Variants in HIBCH observed in about 807,000 individuals in gnomAD.
The protein encoded by HIBCH is 3-hydroxyisobutyryl-CoA hydrolase, mitochondrial.
A neutral mutation model predicts 58.2 loss-of-function variants in HIBCH; 50 were observed. The observed-to-expected ratio is 0.86, with a 90% confidence interval of 0.68 to 1.09. HIBCH has a LOEUF of 1.09. Among genes scored for constraint, HIBCH ranks in the 50% least tolerant of loss-of-function variants. The probability of loss-of-function intolerance (pLI) is 0.00; values close to 1 mark genes in which losing one functional copy is unlikely to be tolerated. For synonymous variants in HIBCH, 151 were observed against 146.9 expected (o/e 1.03, Z -0.20); for missense variants, 450 against 449.7 (o/e 1.00, Z -0.01).
chr2:190,247,540 T>C (rs554850281), intron 9 of HIBCH, among the ~76,000 whole-genome samples: 1 of 152,316 alleles, frequency 6.6e-6, no homozygotes, highest in Admixed American at 6.5e-5. Context: ...AATATTTCCT[T>C]CCCTCTATCT....
In HIBCH at chr2:190,279,522, G is replaced by A. The variant is rs1449626637; in HGVS notation, c.438+8064C>T. On this transcript the variant is annotated intron_variant, in intron 6 of 13. Coordinates refer to ENST00000359678, the MANE Select transcript of HIBCH (RefSeq NM_014362.4). This position sits in a 1 kb window ranked among gnomAD's most constrained non-coding sequence, Gnocchi z 4.2. ...AGATACAGTGGTAGGACAGGTATAG[G>A]GTATACATTCCTGTAAAAAGTAAAG... Among the ~76,000 whole-genome samples the A allele has an allele frequency of 6.6e-6, 1 of 152,040 alleles. No individual in the cohort carries two copies. Among genetic ancestry groups the A allele is most frequent in the Non-Finnish European group, 1.5e-5 (1 of 68,018 alleles).
In HIBCH at chr2:190,241,228, C is replaced by T. The variant is rs145812832; in HGVS notation, c.891+3659G>A. Among the ~76,000 whole-genome samples the T allele has an allele frequency of 6.7e-3, 1,013 of 151,536 alleles. 11 individuals are homozygous for T. Among genetic ancestry groups the T allele is most frequent in the African/African-American group, 0.022 (919 of 41,450 alleles). The stretch of plus-strand genomic sequence containing the variant: ...TTGATCCCTTTACCATTATGTAATG[C>T]CTTTGTCTTTTTTGATTGCTTTTGG... On this transcript the variant is annotated intron_variant, in intron 11 of 13. Coordinates refer to ENST00000359678, the MANE Select transcript of HIBCH (RefSeq NM_014362.4).
chr2:190,295,639 G>A (rs2105991196), intron 3 of HIBCH, among the ~76,000 whole-genome samples: 1 of 152,288 alleles, frequency 6.6e-6, no homozygotes, highest in South Asian at 2.1e-4. Flanking sequence ...TGTCCAAAAG[G>A]TTCATGCAAT....
downstream of HIBCH, chr2:190,203,838 T>C (rs1690321016): frequency 6.6e-6 from 1 of 152,162 alleles, no homozygotes; most frequent in Non-Finnish European, 1.5e-5. Flanking sequence ...TTAATGTCTT[T>C]TTCAGTTCCG....
rs184232749 is a variant in HIBCH, at chr2:190,261,044, T to C, written c.517+112A>G. On this transcript the variant is annotated intron_variant, in intron 7 of 13. Transcript: ENST00000359678. The stretch of plus-strand genomic sequence containing the variant: ...TAATTTCTTTTTTAAAATCCTTTCA[T>C]TGTTGCATCTCACACAAGAGTCCAT... 115 of 788,906 alleles carry C rather than the reference T, an allele frequency of 1.5e-4. No individual in the cohort carries two copies. In the African/African-American group the frequency reaches 1.8e-3, roughly 12 times the overall value. 48.9% of individuals were successfully genotyped at this position (788,906 alleles called of 1,614,324 possible). A position where few individuals can be genotyped will look rare whatever the true frequency, so the allele number is the denominator to read the frequency against.
intron 2 of HIBCH, among the ~76,000 whole-genome samples, chr2:190,301,491 G>C (rs762639691): frequency 6.6e-6 from 1 of 152,174 alleles, no homozygotes; most frequent in African/African-American, 2.4e-5. Context: ...AGGGAGTTGG[G>C]GGAAGGAGTA....
chr2:190,238,908 C>T (rs375002178), intron 11 of HIBCH, among the ~76,000 whole-genome samples: 3 of 152,158 alleles, frequency 2.0e-5, no homozygotes, highest in East Asian at 3.9e-4. Flanking sequence ...TCTCCCATTC[C>T]GTGAGTTGCC....
intron 1 of HIBCH, among the ~76,000 whole-genome samples, chr2:190,314,359 GTA>G (rs368528695): frequency 0.46 from 61,734 of 133,556 alleles, 14,681 homozygotes; most frequent in South Asian, 0.58. Context: ...GTATATATAC[GTA>G]TATATATACG....
At chr2:190,195,450 A>G (rs945479293) in intron 1 of HIBCH, among the ~76,000 whole-genome samples, 3 of 152,224 alleles carry the variant, frequency 2.0e-5, no homozygotes, top group Admixed American at 1.3e-4. Flanking sequence ...ACAGTGAATG[A>G]GAGTTCTGTT....
At position 190,264,277 on chromosome 2, in the gene HIBCH, C is replaced by T. The variant is rs187192286; in HGVS notation, c.439-3043G>A. The stretch of plus-strand genomic sequence containing the variant: ...GCCACACGGGCTTTCTTTCTTTTTT[C>T]TTTCTTTTTTTTTTTTTAAACTCTC... On this transcript the variant is annotated intron_variant, in intron 6 of 13. Transcript: ENST00000359678. Among the ~76,000 whole-genome samples, 932 of 149,786 alleles carry T rather than the reference C, an allele frequency of 6.2e-3. 9 individuals are homozygous for T. The highest frequency in any genetic ancestry group is 0.022 in the African/African-American group (884 of 40,928).
At chr2:190,195,374 T>C (rs1400529806) in intron 1 of HIBCH, among the ~76,000 whole-genome samples, 2 of 146,790 alleles carry the variant, frequency 1.4e-5, no homozygotes, top group African/African-American at 4.9e-5. Flanking sequence ...AGTAAGAATG[T>C]TTCACTTTCT....
At position 190,278,161 on chromosome 2, in the gene HIBCH, C is replaced by A. The variant is rs192759001; in HGVS notation, c.438+9425G>T. 8.5e-4 allele frequency among the ~76,000 whole-genome samples: 130 copies of A among 152,142 alleles called. 1 individual carries two copies. Among genetic ancestry groups the A allele is most frequent in the African/African-American group, 3.1e-3 (128 of 41,522 alleles). On this transcript the variant is annotated intron_variant, in intron 6 of 13. Transcript: ENST00000359678. ...TGAGAACTTGTTAGAAATGCAAATTCTTGGGCCAAATTCCAGACTAAACTA... is the reference window on the plus strand; with the variant it reads ...TGAGAACTTGTTAGAAATGCAAATTATTGGGCCAAATTCCAGACTAAACTA...
chr2:190,302,756 T>A (rs1303542103), intron 2 of HIBCH, among the ~76,000 whole-genome samples: 1 of 152,106 alleles, frequency 6.6e-6, no homozygotes, highest in Non-Finnish European at 1.5e-5. Flanking sequence ...GGGAGTCTAG[T>A]CATTGGGGGG....
intron 1 of HIBCH, among the ~76,000 whole-genome samples, chr2:190,195,809 T>C (rs1689943130): frequency 6.6e-6 from 1 of 152,214 alleles, no homozygotes; most frequent in Admixed American, 6.5e-5. Flanking sequence ...TGGCACTGAA[T>C]CTAAAAGGTT....
intron 7 of HIBCH, among the ~76,000 whole-genome samples, chr2:190,258,389 C>A (rs1686987813): frequency 6.6e-6 from 1 of 152,094 alleles, no homozygotes. Context: ...CAAACCGGTA[C>A]CAGAGAAGTA....
rs1688442206 is a variant in HIBCH at position 190,307,460 on chromosome 2, C to T, written c.78+3294G>A. 2.0e-5 allele frequency among the ~76,000 whole-genome samples: 3 copies of T among 152,066 alleles called. 1 individual carries two copies. Among genetic ancestry groups the T allele is most frequent in the African/African-American group, 7.2e-5 (3 of 41,424 alleles). The stretch of plus-strand genomic sequence containing the variant: ...GCCAAGGCAGGAAGATCATTTGTGC[C>T]CAGAGGTTCGAGGCCAGTCTGGGCA... On this transcript the variant is annotated intron_variant, in intron 2 of 13. Coordinates refer to ENST00000359678, the MANE Select transcript of HIBCH (RefSeq NM_014362.4).
intron 1 of HIBCH, among the ~76,000 whole-genome samples, chr2:190,195,325 A>G (rs1446745618): frequency 1.3e-5 from 2 of 152,236 alleles, no homozygotes; most frequent in African/African-American, 4.8e-5. Flanking sequence ...CGTTCAACTT[A>G]TTGGGTAAAT....
At chr2:190,201,301 A>T (rs1690234386), downstream of HIBCH, 1 of 166,924 alleles carries the variant, frequency 6.0e-6, no homozygotes, top group Non-Finnish European at 1.5e-5. Context: ...AGGATTAAGT[A>T]CTGTTTGAAG....
chr2:190,263,269 A>T (rs893492632), intron 6 of HIBCH, among the ~76,000 whole-genome samples: 1 of 152,078 alleles, frequency 6.6e-6, no homozygotes, highest in Non-Finnish European at 1.5e-5. Context: ...TCTCCCCCAA[A>T]CCTACCAAAC....
Sources: gnomAD v4.1 joint callset for allele counts (sites outside exome capture counted in the v4.1 genomes callset) on GRCh38, gnomAD v4.1.1 for gene constraint, Gnocchi (gnomAD v3.1) non-coding constraint, MANE v1.5 for transcripts, NCBI Gene and HGNC (gene_info 2026-07-23, HGNC 2026-07-21) for gene names.